Variants in MALRD1 observed in about 807,000 individuals in gnomAD.
MALRD1 encodes the protein MAM and LDL receptor class A domain containing 1, also known as MAM and LDL-receptor class A domain-containing protein 1.
A neutral mutation model predicts 242.1 loss-of-function variants in MALRD1; 247 were observed. That is an observed-to-expected ratio of 1.02 (90% CI 0.92 to 1.13). The LOEUF (loss-of-function observed/expected upper bound fraction) is 1.13, where lower values mean the gene tolerates loss of function less well. Ranked by LOEUF, MALRD1 falls within the 50% of genes most tolerant of loss-of-function variation. The pLI is 0.00. For synonymous variants in MALRD1, 995 were observed against 866.6 expected, an observed-to-expected ratio of 1.15 and a Z score of -2.60; for missense variants, 2,989 against 2,533.1, an observed-to-expected ratio of 1.18 and a Z score of -3.86.
At chr10:19,076,515 T>C (rs534371260) in intron 2 of MALRD1, among the ~76,000 whole-genome samples, 1 of 152,154 alleles carries the variant, frequency 6.6e-6, no homozygotes, top group Non-Finnish European at 1.5e-5. Context: ...CATGTACCTA[T>C]CCAGTTGTCT....
Position 19,371,594 on chromosome 10 carries a change from C to T in MALRD1, c.4442-15934C>T, listed in dbSNP as rs985996595. On this transcript the variant is annotated intron_variant, in intron 26 of 39. Transcript: ENST00000454679. ...GCCTACAGTCTTAGAATTAACCCTA[C>T]TTGGTCAGAATCTATTATCCCTTCT... Among the ~76,000 whole-genome samples, 6 of 152,154 alleles carry T rather than the reference C, an allele frequency of 3.9e-5. No homozygotes were observed. The East Asian group carries it at 1.2e-3, about 29-fold the overall frequency.
At chr10:19,088,794 A>T (rs1398592798) in intron 4 of MALRD1, among the ~76,000 whole-genome samples, 10 of 66,268 alleles carry the variant, frequency 1.5e-4, no homozygotes, top group Non-Finnish European at 2.9e-4. Context: ...TGTCCATGTG[A>T]TCTCATTGTT....
At position 19,124,707 on chromosome 10, in the gene MALRD1, C is replaced by T. The variant is rs1197107790; in HGVS notation, c.943+37C>T. The T allele has an allele frequency of 1.4e-5, 17 of 1,229,956 alleles. No individual in the cohort carries two copies. In the Admixed American group the frequency reaches 1.7e-4, roughly 12 times the overall value. The allele number at this position is 1,229,956 out of a possible 1,614,324, so 76.2% of individuals were successfully genotyped here. A position where few individuals can be genotyped will look rare whatever the true frequency, so the allele number is the denominator to read the frequency against. The stretch of plus-strand genomic sequence containing the variant: ...AATAATATCTTTTATGTATTACTTT[C>T]AGAATTCTGCTTTATGGTGACTAGT... On this transcript the variant is annotated intron_variant, in intron 7 of 39. Transcript: ENST00000454679.
chr10:19,225,798 C>T (rs991968466), intron 18 of MALRD1, among the ~76,000 whole-genome samples: 1 of 152,200 alleles, frequency 6.6e-6, no homozygotes, highest in Non-Finnish European at 1.5e-5. Context: ...ATGTGCAGTA[C>T]TTAACTACTT....
chr10:19,261,775 C>A (rs184738087), intron 19 of MALRD1, among the ~76,000 whole-genome samples: 4 of 123,040 alleles, frequency 3.3e-5, no homozygotes, highest in African/African-American at 1.1e-4. Context: ...CAAAATCAAC[C>A]TTTTCCCCTC....
intron 14 of MALRD1, among the ~76,000 whole-genome samples, chr10:19,194,262 T>G (rs970409354): frequency 4.6e-5 from 7 of 152,198 alleles, no homozygotes; most frequent in African/African-American, 1.7e-4. Flanking sequence ...AAACGTAGGT[T>G]ATTTGTAAGA....
chr10:19,536,871 C>T (rs1017656680), intron 32 of MALRD1, among the ~76,000 whole-genome samples: 2 of 152,128 alleles, frequency 1.3e-5, no homozygotes, highest in African/African-American at 4.8e-5. Context: ...AAGAAAGTTT[C>T]CTGTGATAAT....
At chr10:19,332,865 G>C (rs1040492332) in intron 24 of MALRD1, among the ~76,000 whole-genome samples, 58 of 152,098 alleles carry the variant, frequency 3.8e-4, no homozygotes, top group African/African-American at 1.3e-3. Flanking sequence ...GTTGGTCCTA[G>C]AACACAAGTA....
chr10:19,199,551 A>C (rs1276919723), intron 14 of MALRD1, among the ~76,000 whole-genome samples: 3 of 152,134 alleles, frequency 2.0e-5, no homozygotes, highest in African/African-American at 7.2e-5. Context: ...CTGTAATCTC[A>C]GTACTTTGAG....
At chr10:19,111,437 G>T (rs911315926) in intron 5 of MALRD1, among the ~76,000 whole-genome samples, 1 of 152,176 alleles carries the variant, frequency 6.6e-6, no homozygotes, top group Non-Finnish European at 1.5e-5. Flanking sequence ...AGCCTTTCAC[G>T]TGAATATGAC....
At chr10:19,708,782 C>T (rs1833979348) in intron 38 of MALRD1, among the ~76,000 whole-genome samples, 1 of 122,928 alleles carries the variant, frequency 8.1e-6, no homozygotes, top group African/African-American at 2.6e-5. Context: ...CTGCCTCAGC[C>T]TCCCGAGTAC....
chr10:19,697,496 C>G (rs752911613), intron 38 of MALRD1, among the ~76,000 whole-genome samples: 1 of 151,888 alleles, frequency 6.6e-6, no homozygotes, highest in African/African-American at 2.4e-5. Context: ...AGACTAGTGT[C>G]TGACCAAACA....
At chr10:19,630,288 A>T (rs1021077753) in intron 36 of MALRD1, among the ~76,000 whole-genome samples, 2 of 152,162 alleles carry the variant, frequency 1.3e-5, no homozygotes, top group African/African-American at 4.8e-5. Flanking sequence ...GTTGGTATTG[A>T]ATTCAAAAAT....
intron 21 of MALRD1, among the ~76,000 whole-genome samples, chr10:19,309,238 C>G (rs578196731): frequency 1.3e-5 from 2 of 151,592 alleles, no homozygotes; most frequent in African/African-American, 2.4e-5. Context: ...AGAGTAGAAA[C>G]TTGGGCTCCT....
chr10:19,155,037 G>C, intron 11 of MALRD1, 38 bp from the exon 12 acceptor site: 1 of 1,142,578 alleles, frequency 8.8e-7, no homozygotes, highest in East Asian at 3.2e-5. Flanking sequence ...GTGTGTAAGA[G>C]AACTTGCATC....
At chr10:19,575,589 G>A (rs1836779480) in intron 33 of MALRD1, among the ~76,000 whole-genome samples, 1 of 151,796 alleles carries the variant, frequency 6.6e-6, no homozygotes. Flanking sequence ...AAGGATATTT[G>A]TACCTTTTGT....
intron 33 of MALRD1, among the ~76,000 whole-genome samples, chr10:19,570,216 C>T (rs1414681426): frequency 6.6e-6 from 1 of 152,044 alleles, no homozygotes; most frequent in Non-Finnish European, 1.5e-5. Context: ...TAAGGCATAG[C>T]TTCTACAGCA....
intron 18 of MALRD1, among the ~76,000 whole-genome samples, chr10:19,254,941 G>A (rs200141484): frequency 8.6e-5 from 13 of 152,028 alleles, no homozygotes; most frequent in Admixed American, 2.6e-4. Flanking sequence ...GAGGACAATC[G>A]TTTTTATATC....
chr10:19,125,129 G>A (rs10450312), intron 7 of MALRD1, among the ~76,000 whole-genome samples: 40,516 of 150,360 alleles, frequency 0.27, 6,013 homozygotes, highest in African/African-American at 0.38. Flanking sequence ...AATTTTTAGT[G>A]GAGACAGGAA....
Sources: allele counts gnomAD v4.1 joint callset (sites outside exome capture counted in the v4.1 genomes callset), GRCh38; gene constraint gnomAD v4.1.1; transcripts MANE v1.5; gene names NCBI Gene and HGNC (gene_info 2026-07-23, HGNC 2026-07-21).